The following LTBP1 variants were observed in gnomAD, a reference collection of about 807,000 sequenced individuals.
LTBP1 encodes the protein latent-transforming growth factor beta-binding protein 1.
Under a neutral mutation model 207.6 loss-of-function variants are expected in LTBP1, and 129 were observed. The observed-to-expected ratio is 0.62, with a 90% CI of 0.54 to 0.72. LTBP1 has a LOEUF of 0.72. LTBP1 is among the 30% of genes least tolerant of loss of function. The pLI, the probability that LTBP1 is intolerant of heterozygous loss-of-function variation, is 0.00. For synonymous variants in LTBP1, 963 were observed against 833.7 expected, an observed-to-expected ratio of 1.16 and a Z score of -2.67; for missense variants, 2,281 against 2,217.2, an observed-to-expected ratio of 1.03 and a Z score of -0.58.
At chr2:33,292,680 G>C (rs2093797462) in intron 19 of LTBP1, among the ~76,000 whole-genome samples, 1 of 152,132 alleles carries the variant, frequency 6.6e-6, no homozygotes, top group Admixed American at 6.6e-5. Flanking sequence ...TGCCATTTTA[G>C]AGCTTTTTAT....
intron 31 of LTBP1, among the ~76,000 whole-genome samples, chr2:33,375,573 G>T (rs2095127599): frequency 2.0e-5 from 3 of 151,966 alleles, no homozygotes; most frequent in South Asian, 2.1e-4. Context: ...TGTCGCCCAG[G>T]CTGGAGTGCA....
At chr2:33,015,515 C>G (rs907212971) in intron 2 of LTBP1, among the ~76,000 whole-genome samples, 7 of 151,980 alleles carry the variant, frequency 4.6e-5, no homozygotes, top group African/African-American at 1.5e-4. Context: ...CTTAACTGAC[C>G]TCACAGCTTA....
At chr2:33,042,685 G>A (rs2076248370) in intron 3 of LTBP1, among the ~76,000 whole-genome samples, 1 of 152,212 alleles carries the variant, frequency 6.6e-6, no homozygotes, top group Non-Finnish European at 1.5e-5. Context: ...CACTGAAGAT[G>A]AGGTCACATT....
chr2:33,244,324 A>G (rs1003561134), intron 10 of LTBP1, among the ~76,000 whole-genome samples: 1 of 152,140 alleles, frequency 6.6e-6, no homozygotes, highest in African/African-American at 2.4e-5. Context: ...AATTTCAGAT[A>G]TTGTCTTGTT....
intron 2 of LTBP1, among the ~76,000 whole-genome samples, chr2:32,956,019 T>A (rs182576323): frequency 1.3e-3 from 194 of 152,312 alleles, no homozygotes; most frequent in African/African-American, 4.6e-3. Flanking sequence ...GACTATTAAG[T>A]GTACAATAAT....
chr2:33,303,236 T>A (rs983948827), intron 22 of LTBP1, among the ~76,000 whole-genome samples: 1 of 152,066 alleles, frequency 6.6e-6, no homozygotes, highest in South Asian at 2.1e-4. Flanking sequence ...GTCCCCAACT[T>A]TTTTGGCACA....
intron 5 of LTBP1, among the ~76,000 whole-genome samples, chr2:33,144,488 C>T (rs1161827442): frequency 6.6e-6 from 1 of 152,084 alleles, no homozygotes; most frequent in Non-Finnish European, 1.5e-5. Context: ...AGCATTTAAA[C>T]AGTGTAATAC....
At chr2:33,154,614 C>T (rs899916226) in intron 5 of LTBP1, among the ~76,000 whole-genome samples, 2 of 152,162 alleles carry the variant, frequency 1.3e-5, no homozygotes, top group Non-Finnish European at 2.9e-5. Context: ...GTTGACCTTT[C>T]TACTTTTGCT....
intron 3 of LTBP1, among the ~76,000 whole-genome samples, chr2:33,061,974 T>C (rs1455231153): frequency 6.6e-6 from 1 of 152,158 alleles, no homozygotes; most frequent in Non-Finnish European, 1.5e-5. Flanking sequence ...CAGTATAGAA[T>C]TGTCAGTCTT....
At chr2:33,176,156 A>G (rs1339698415) in intron 5 of LTBP1, among the ~76,000 whole-genome samples, 4 of 152,050 alleles carry the variant, frequency 2.6e-5, no homozygotes, top group Admixed American at 2.0e-4. Flanking sequence ...AAAGTATAAT[A>G]ATAATAAAAT....
intron 3 of LTBP1, among the ~76,000 whole-genome samples, chr2:33,089,681 A>G (rs1303439854): frequency 6.6e-6 from 1 of 152,260 alleles, no homozygotes; most frequent in East Asian, 1.9e-4. Context: ...ATTACTAACT[A>G]AAGTCTATTA....
At chr2:33,395,410 T>C (rs2095349897) in intron 32 of LTBP1, among the ~76,000 whole-genome samples, 1 of 152,170 alleles carries the variant, frequency 6.6e-6, no homozygotes, top group Non-Finnish European at 1.5e-5. Context: ...AAGGTACACA[T>C]AGGGAAATGG....
chr2:33,265,910 T>C (rs1032129006), intron 15 of LTBP1, among the ~76,000 whole-genome samples: 2 of 152,218 alleles, frequency 1.3e-5, no homozygotes, highest in Non-Finnish European at 2.9e-5. Context: ...CTTTAGAATA[T>C]TCCCTCCTCA....
chr2:33,050,139 T>A (rs1208424764), intron 3 of LTBP1, among the ~76,000 whole-genome samples: 1 of 139,924 alleles, frequency 7.1e-6, no homozygotes, highest in Non-Finnish European at 1.5e-5. Flanking sequence ...CATTTTTTTT[T>A]TTTTCTTTTC....
chr2:33,216,068 T>C (rs758877536), intron 7 of LTBP1, among the ~76,000 whole-genome samples: 3 of 152,210 alleles, frequency 2.0e-5, no homozygotes, highest in Non-Finnish European at 4.4e-5. Flanking sequence ...AACTAGCTTG[T>C]TCCTTAGTTC....
chr2:33,287,347 C>G (rs772611783), intron 19 of LTBP1, among the ~76,000 whole-genome samples: 1 of 152,140 alleles, frequency 6.6e-6, no homozygotes, highest in East Asian at 1.9e-4. Flanking sequence ...GATCTTTTAT[C>G]TCTAAATCCA....
At chr2:32,980,409 C>T (rs1419847078) in intron 2 of LTBP1, among the ~76,000 whole-genome samples, 5 of 152,060 alleles carry the variant, frequency 3.3e-5, no homozygotes, top group African/African-American at 1.2e-4. Context: ...ACACTGATTG[C>T]ATAAAGAAAC....
chr2:33,049,830 C>CT lies in LTBP1; in HGVS notation c.863+28634dup, dbSNP rs960140723. 4.4e-3 allele frequency among the ~76,000 whole-genome samples: 648 copies of CT among 147,824 alleles called. 8 individuals are homozygous for CT. Among genetic ancestry groups the CT allele is most frequent in the African/African-American group, 0.014 (576 of 40,282 alleles). Reference sequence around the variant, plus strand: ...AATAATGTATATTTTGGAGGTTAGGCTTTTTTTTTTCTTTTTTTTTGTTTT... The same window carrying CT: ...AATAATGTATATTTTGGAGGTTAGGCTTTTTTTTTTTCTTTTTTTTTGTTTT... On this transcript the variant is annotated intron_variant, in intron 3 of 33. Coordinates refer to ENST00000404816, the MANE Select transcript of LTBP1 (RefSeq NM_206943.4).
chr2:33,308,590 T>C (rs1262676877), intron 22 of LTBP1, among the ~76,000 whole-genome samples: 2 of 152,216 alleles, frequency 1.3e-5, no homozygotes, highest in African/African-American at 4.8e-5. Context: ...TAAATGCATA[T>C]GACCCCTAAA....
Sources: gnomAD v4.1 joint callset for allele counts (sites outside exome capture counted in the v4.1 genomes callset) on GRCh38, gnomAD v4.1.1 for gene constraint, MANE v1.5 for transcripts, NCBI Gene and HGNC (gene_info 2026-07-23, HGNC 2026-07-21) for gene names.